XPO5: variants seen among roughly 807,000 people sequenced by gnomAD.
XPO5 encodes exportin-5.
Under a neutral mutation model 160.6 loss-of-function variants are expected in XPO5, and 46 were observed. The observed-to-expected ratio is 0.29, with a 90% CI of 0.23 to 0.37. The LOEUF (loss-of-function observed/expected upper bound fraction) is 0.37, where lower values mean the gene tolerates loss of function less well. XPO5 is among the 10% of genes least tolerant of loss of function. The pLI is 1.00. For missense variants in XPO5, 1,090 were observed against 1,463.9 expected (o/e 0.74, Z 4.17); for synonymous variants, 537 against 519.3 (o/e 1.03, Z -0.46).
intron 18 of XPO5, among the ~76,000 whole-genome samples, 175 bp from the exon 19 acceptor site, chr6:43,547,882 C>T (rs1795038333): frequency 6.6e-6 from 1 of 152,154 alleles, no homozygotes; most frequent in Admixed American, 6.6e-5. Flanking sequence ...TCCCTTCCCA[C>T]TCCCAAATAT....
rs560017930 is a variant in XPO5 at position 43,544,703 on chromosome 6, A to T, written c.2342+1868T>A. 2.6e-5 allele frequency among the ~76,000 whole-genome samples: 4 copies of T among 152,286 alleles called. No individual in the cohort carries two copies. The South Asian group carries it at 8.3e-4, about 32-fold the overall frequency. ...CACTTTGGGAGACTGAAGCAGGCTC[A>T]GCTGTCCGAGACCAGCCTGGGCAAC... On this transcript the variant is annotated intron_variant, in intron 20 of 31. Coordinates refer to ENST00000265351, the MANE Select transcript of XPO5 (RefSeq NM_020750.3).
At chr6:43,572,372 T>G (rs1763053914) in intron 3 of XPO5, 134 bp downstream of exon 3, 1 of 835,442 alleles carries the variant, frequency 1.2e-6, no homozygotes, top group Admixed American at 2.3e-5. Flanking sequence ...TCACTGTGCC[T>G]GGCCTAAATT....
rs1440416966 is a variant in XPO5, at chr6:43,576,038, C to G, written c.-174G>C. ...GCTGGGAAGAAGCCGGCGCTGCGCA[C>G]GCGCCCGGCCCGCCACTGCGCACGC... On this transcript the variant is annotated 5_prime_UTR_variant, in exon 1 of 32. Coordinates refer to ENST00000265351, the MANE Select transcript of XPO5 (RefSeq NM_020750.3). The G allele has an allele frequency of 1.3e-5, 7 of 552,418 alleles. No individual in the cohort carries two copies. In the South Asian group the frequency reaches 1.6e-4, roughly 13 times the overall value. The allele number at this position is 552,418 out of a possible 1,614,324, so 34.2% of individuals were successfully genotyped here.
At chr6:43,528,296 T>A in intron 24 of XPO5, 91 bp from the exon 25 acceptor site, 1 of 1,336,946 alleles carries the variant, frequency 7.5e-7, no homozygotes, top group East Asian at 2.5e-5. Flanking sequence ...TGATTAAAAT[T>A]AGCCAAGGAT....
In XPO5 at chr6:43,546,791, A is replaced by G. The variant is rs372768337; in HGVS notation, c.2161-39T>C. The G allele has an allele frequency of 1.9e-3, 651 of 349,232 alleles. 5 individuals are homozygous for G. The highest frequency in any genetic ancestry group is 0.011 in the African/African-American group (462 of 40,246). The allele number at this position is 349,232 out of a possible 1,614,324, so 21.6% of individuals were successfully genotyped here. On this transcript the variant is annotated intron_variant, in intron 19 of 31. Coordinates refer to ENST00000265351, the MANE Select transcript of XPO5 (RefSeq NM_020750.3). ...AGAATGACAGATAAATATTAAAAGG[A>G]AAAAAAAAAAAAGACCAAATACTGT...
intron 14 of XPO5, 119 bp downstream of exon 14, chr6:43,553,254 A>G (rs962342206): frequency 7.7e-7 from 1 of 1,291,936 alleles, no homozygotes; most frequent in Non-Finnish European, 1.0e-6. Flanking sequence ...GAGAGCTATG[A>G]TTGTGCCACT....
chr6:43,543,414 C>G (rs1046517954), intron 20 of XPO5, among the ~76,000 whole-genome samples: 9 of 152,264 alleles, frequency 5.9e-5, no homozygotes, highest in African/African-American at 1.9e-4. Flanking sequence ...GATCGCAACA[C>G]TGCACCCCAA....
chr6:43,559,552 C>T (rs1351046365), intron 11 of XPO5, among the ~76,000 whole-genome samples: 1 of 152,192 alleles, frequency 6.6e-6, no homozygotes, highest in Non-Finnish European at 1.5e-5. Context: ...TAGATATTGC[C>T]TCCTCTTGGA....
intron 22 of XPO5, 58 bp downstream of exon 22, chr6:43,531,421 A>C (rs1349804588): frequency 6.6e-7 from 1 of 1,510,312 alleles, no homozygotes; most frequent in African/African-American, 1.4e-5. Context: ...ACCCATGGAC[A>C]TTCCTATACA....
chr6:43,573,639 G>C (rs1216381211), intron 1 of XPO5, 38 bp from the exon 2 acceptor site: 1 of 1,591,770 alleles, frequency 6.3e-7, no homozygotes, highest in Admixed American at 1.8e-5. Flanking sequence ...TTCGAGGGCT[G>C]AGAGAATAGG....
intron 14 of XPO5, among the ~76,000 whole-genome samples, chr6:43,552,329 T>C (rs1346583463): frequency 3.3e-5 from 5 of 152,068 alleles, no homozygotes; most frequent in Non-Finnish European, 5.9e-5. Context: ...GTGCTAGGAT[T>C]ACAGGCCTGA....
chr6:43,527,621 A>G lies in XPO5; in HGVS notation c.2920+13T>C, dbSNP rs1277330345. The stretch of plus-strand genomic sequence containing the variant: ...AAAATCCTCTATAGCCCCAGTTTCG[A>G]CATGCCACTTACTGATTAGGTCCAT... On this transcript the variant is annotated intron_variant, in intron 26 of 31. Coordinates refer to ENST00000265351, the MANE Select transcript of XPO5 (RefSeq NM_020750.3). 6.2e-7 allele frequency: 1 copy of G among 1,613,626 alleles called. No individual in the cohort carries two copies. The highest frequency in any genetic ancestry group is 1.1e-5 in the South Asian group (1 of 91,046).
At chr6:43,549,313 C>T (rs1222439759) in intron 17 of XPO5, among the ~76,000 whole-genome samples, 176 bp downstream of exon 17, 1 of 152,204 alleles carries the variant, frequency 6.6e-6, no homozygotes, top group African/African-American at 2.4e-5. Context: ...ATCTACCCAC[C>T]TCAGTCTCCC....
Position 43,528,867 on chromosome 6 carries a change from T to C in XPO5, c.2736A>G (p.Val912=). ...TGAAAAGAGGTCCGAGGATGGGGGA[T>C]ACCAGGGCTTCATAGTGCTCTGGGG... ...FCPPEHYEAL[V]SPILGPLFTY... Residue 912 remains valine, a synonymous_variant, in exon 24 of 32, where the codon GTA becomes GTG. Transcript: ENST00000265351. 1 of 1,613,946 alleles carries C rather than the reference T, an allele frequency of 6.2e-7. No individual in the cohort carries two copies. The highest frequency in any genetic ancestry group is 8.5e-7 in the Non-Finnish European group (1 of 1,179,868).
chr6:43,548,456 T>C lies in XPO5; in HGVS notation c.1865A>G (p.Asn622Ser), dbSNP rs1795069193. The stretch of plus-strand genomic sequence containing the variant: ...CACATGGTTATAAAGCATGTCAAAA[T>C]TGGGCTACAGATCAAAAAGAAAAAA... ...CRDYPQLVLP[N>S]FDMLYNHVKQ... The change falls in exon 18 of 32, where the codon AAT becomes AGT. Residue 622 changes from asparagine (N) to serine (S), a missense_variant. By Grantham distance (46) the Asn-to-Ser change is conservative (BLOSUM62 1). Coordinates refer to ENST00000265351, the MANE Select transcript of XPO5 (RefSeq NM_020750.3). 2 of 1,549,890 alleles carry C rather than the reference T, an allele frequency of 1.3e-6. No homozygotes were observed. The highest frequency in any genetic ancestry group is 1.2e-5 in the South Asian group (1 of 82,206).
At chr6:43,534,398 G>A (rs996357757) in intron 20 of XPO5, among the ~76,000 whole-genome samples, 1 of 152,140 alleles carries the variant, frequency 6.6e-6, no homozygotes. Flanking sequence ...GTGGTAATTT[G>A]CCCCATTTTT....
intron 5 of XPO5, among the ~76,000 whole-genome samples, chr6:43,569,369 T>C (rs933480608): frequency 6.6e-6 from 1 of 151,714 alleles, no homozygotes; most frequent in African/African-American, 2.4e-5. Context: ...ATTCAGTGAA[T>C]ATACAAATAT....
At chr6:43,549,970 A>G (rs1334894899) in intron 15 of XPO5, 36 bp from the exon 16 acceptor site, 2 of 1,604,318 alleles carry the variant, frequency 1.2e-6, no homozygotes, top group African/African-American at 1.3e-5. Flanking sequence ...ACTCATGTTT[A>G]TTTGTTTTAG....
intron 20 of XPO5, chr6:43,538,963 G>A (rs573968293): frequency 3.6e-6 from 5 of 1,382,512 alleles, no homozygotes; most frequent in African/African-American, 1.4e-5. Flanking sequence ...GGTAGCTGTA[G>A]GTCTTAGAAA....
Sources: allele counts gnomAD v4.1 joint callset (sites outside exome capture counted in the v4.1 genomes callset), GRCh38; gene constraint gnomAD v4.1.1; transcripts MANE v1.5; gene names NCBI Gene and HGNC (gene_info 2026-07-23, HGNC 2026-07-21).